Variants in RORB observed in about 807,000 individuals in gnomAD.
The protein encoded by RORB is nuclear receptor ROR-beta.
In RORB, 6 loss-of-function variants were observed where a neutral mutation model predicts 59.1. The observed-to-expected ratio is 0.10, with a 90% CI of 0.06 to 0.20. RORB has a LOEUF of 0.20. RORB is among the 10% of genes least tolerant of loss of function. The pLI, the probability that RORB is intolerant of heterozygous loss-of-function variation, is 1.00. For synonymous variants in RORB, 215 were observed against 204.5 expected (o/e 1.05, Z -0.44); for missense variants, 320 against 560.5 (o/e 0.57, Z 4.33).
chr9:74,515,820 A>T (rs1826001755), intron 1 of RORB, among the ~76,000 whole-genome samples: 1 of 152,112 alleles, frequency 6.6e-6, no homozygotes, highest in Admixed American at 6.6e-5. Context: ...CCCAGTGACT[A>T]GGAAGAACTC....
At chr9:74,680,821 T>TA (rs1224064086) in intron 9 of RORB, among the ~76,000 whole-genome samples, 13 of 152,330 alleles carry the variant, frequency 8.5e-5, no homozygotes, top group Admixed American at 3.3e-4. Context: ...GAGGGCATCT[T>TA]GATGGCCTGG....
At chr9:74,591,084 C>T (rs905652396) in intron 1 of RORB, among the ~76,000 whole-genome samples, 6 of 152,202 alleles carry the variant, frequency 3.9e-5, no homozygotes, top group African/African-American at 1.4e-4. Flanking sequence ...CGTGAGCCAC[C>T]GTGTCCAGCC....
chr9:74,673,486 T>C (rs1023436470), intron 9 of RORB, among the ~76,000 whole-genome samples: 3 of 152,088 alleles, frequency 2.0e-5, no homozygotes, highest in African/African-American at 7.2e-5. Context: ...GCAGATGTGT[T>C]GTGAGGTTCA....
At chr9:74,660,568 GC>G (rs773019641) in intron 4 of RORB, 48 bp from the exon 5 acceptor site, 2 of 1,563,340 alleles carry the variant, frequency 1.3e-6, no homozygotes, top group East Asian at 2.3e-5. Context: ...AAGCTAATGA[GC>G]AGAGTAATTT....
At chr9:74,621,790 A>T (rs1823424158) in intron 1 of RORB, among the ~76,000 whole-genome samples, 1 of 152,158 alleles carries the variant, frequency 6.6e-6, no homozygotes, top group Non-Finnish European at 1.5e-5. Flanking sequence ...GTGGCACCTC[A>T]TTGCTTTTAA....
Position 74,549,529 on chromosome 9 carries a change from G to C in RORB, c.7+51546G>C, listed in dbSNP as rs1223206953. ...AAGAAAGGGAAAGAAGGGAGGGAGG[G>C]AGGGAGGGAGGGAGGGAGGGAAGGA... On this transcript the variant is annotated intron_variant, in intron 1 of 9. Coordinates refer to ENST00000376896, the MANE Select transcript of RORB (RefSeq NM_006914.4). Among the ~76,000 whole-genome samples the C allele has an allele frequency of 6.1e-4, 10 of 16,466 alleles. 1 individual carries two copies. The highest frequency in any genetic ancestry group is 1.2e-3 in the African/African-American group (3 of 2,484). The allele number at this position is 16,466 out of a possible 152,430, so 10.8% of individuals were successfully genotyped here. A position where few individuals can be genotyped will look rare whatever the true frequency, so the allele number is the denominator to read the frequency against.
At chr9:74,600,904 G>A (rs190890255) in intron 1 of RORB, among the ~76,000 whole-genome samples, 99 of 152,216 alleles carry the variant, frequency 6.5e-4, no homozygotes, top group Non-Finnish European at 1.1e-3. Flanking sequence ...ACTAATGCTT[G>A]ATACAAAACA....
chr9:74,511,692 A>G (rs898604804), intron 1 of RORB, among the ~76,000 whole-genome samples: 1 of 150,040 alleles, frequency 6.7e-6, no homozygotes, highest in East Asian at 2.0e-4. Flanking sequence ...TCTTTCACTC[A>G]TTGTGTTTTA....
intron 1 of RORB, among the ~76,000 whole-genome samples, chr9:74,594,381 C>T (rs899893372): frequency 2.0e-5 from 3 of 152,138 alleles, no homozygotes; most frequent in Admixed American, 1.3e-4. Context: ...TCAATCAAAC[C>T]TTATGGAAGC....
chr9:74,607,943 G>T (rs1823174590), intron 1 of RORB, among the ~76,000 whole-genome samples: 1 of 152,084 alleles, frequency 6.6e-6, no homozygotes, highest in Non-Finnish European at 1.5e-5. Flanking sequence ...AATCATAATT[G>T]GTTGCAGGAG....
intron 1 of RORB, among the ~76,000 whole-genome samples, chr9:74,587,126 G>A (rs1822814570): frequency 6.6e-6 from 1 of 152,198 alleles, no homozygotes; most frequent in African/African-American, 2.4e-5. Flanking sequence ...AATTAATAAT[G>A]ATCAAATAAT....
chr9:74,514,078 T>C (rs1825977726), intron 1 of RORB, among the ~76,000 whole-genome samples: 1 of 152,128 alleles, frequency 6.6e-6, no homozygotes, highest in Non-Finnish European at 1.5e-5. Context: ...CCCAGAATGA[T>C]AATTCATTCT....
At chr9:74,641,927 A>G (rs1051120985) in intron 3 of RORB, among the ~76,000 whole-genome samples, 2 of 152,084 alleles carry the variant, frequency 1.3e-5, no homozygotes, top group Non-Finnish European at 2.9e-5. Flanking sequence ...TTATTATAAA[A>G]AATAAAAAGA....
intron 3 of RORB, among the ~76,000 whole-genome samples, chr9:74,639,253 G>C (rs1587399654): frequency 1.3e-5 from 2 of 152,196 alleles, no homozygotes; most frequent in African/African-American, 4.8e-5. Flanking sequence ...ATGGTGAGGT[G>C]CACAATCACA....
At chr9:74,623,696 A>G (rs990148839) in intron 1 of RORB, among the ~76,000 whole-genome samples, 1 of 152,168 alleles carries the variant, frequency 6.6e-6, no homozygotes, top group Non-Finnish European at 1.5e-5. Context: ...GAGTCGTGGT[A>G]GTCTGCAGTT....
intron 1 of RORB, among the ~76,000 whole-genome samples, chr9:74,586,474 G>A (rs1822800931): frequency 1.3e-5 from 2 of 151,928 alleles, no homozygotes; most frequent in Non-Finnish European, 2.9e-5. Context: ...CTCCAGCCTG[G>A]GTGACAGAAT....
At chr9:74,579,345 A>G (rs1427915981) in intron 1 of RORB, among the ~76,000 whole-genome samples, 1 of 152,146 alleles carries the variant, frequency 6.6e-6, no homozygotes, top group Non-Finnish European at 1.5e-5. Flanking sequence ...TGCAAAGTGT[A>G]CTTTCACAGT....
intron 1 of RORB, among the ~76,000 whole-genome samples, chr9:74,543,715 C>T (rs1213987486): frequency 6.6e-6 from 1 of 152,070 alleles, no homozygotes; most frequent in Non-Finnish European, 1.5e-5. Context: ...TAAATAATAT[C>T]TCCCTAATCA....
intron 1 of RORB, among the ~76,000 whole-genome samples, chr9:74,618,324 T>C (rs908274416): frequency 6.7e-6 from 1 of 148,580 alleles, no homozygotes; most frequent in African/African-American, 2.5e-5. Context: ...AAAGTTACTA[T>C]TAGATTAGGA....
Sources: gnomAD v4.1 joint callset for allele counts (sites outside exome capture counted in the v4.1 genomes callset) on GRCh38, gnomAD v4.1.1 for gene constraint, MANE v1.5 for transcripts, NCBI Gene and HGNC (gene_info 2026-07-23, HGNC 2026-07-21) for gene names.